Variants in NOVA2 observed in about 807,000 individuals in gnomAD.
NOVA2 encodes the protein RNA-binding protein Nova-2.
Under a neutral mutation model 22.5 loss-of-function variants are expected in NOVA2, and 9 were observed. The observed-to-expected ratio is 0.40, with a 90% CI of 0.24 to 0.70. The LOEUF (loss-of-function observed/expected upper bound fraction) is 0.70. NOVA2 is among the 30% of genes least tolerant of loss of function. NOVA2 has a pLI of 0.38. For synonymous variants in NOVA2, 318 were observed against 335.2 expected (o/e 0.95, Z 0.56); for missense variants, 383 against 682.8 (o/e 0.56, Z 4.89).
rs1202517879 is a variant in NOVA2 at position 45,956,577 on chromosome 19, C to T, written c.230-2631G>A. Among the ~76,000 whole-genome samples, 7 of 152,068 alleles carry T rather than the reference C, an allele frequency of 4.6e-5. No individual in the cohort carries two copies. The East Asian group carries it at 1.4e-3, about 29-fold the overall frequency. ...CCTCTGCCTCCCAGTTCAAGTGATT[C>T]TCATGCCTAAGCCTCCTGAGTAGCT... On this transcript the variant is annotated intron_variant, in intron 2 of 3. Transcript: ENST00000263257.
At chr19:45,958,215 T>C (rs1253525323) in intron 2 of NOVA2, among the ~76,000 whole-genome samples, 1 of 152,106 alleles carries the variant, frequency 6.6e-6, no homozygotes, top group East Asian at 1.9e-4. Flanking sequence ...TGCATTTCAG[T>C]TGCTCCATGT....
intron 3 of NOVA2, among the ~76,000 whole-genome samples, chr19:45,946,892 T>A (rs1166249705): frequency 8.1e-5 from 11 of 135,794 alleles, no homozygotes; most frequent in African/African-American, 1.9e-4. Flanking sequence ...AAAAAAAAAA[T>A]CACAACAAAA....
At chr19:45,944,737 A>T (rs977469444) in intron 3 of NOVA2, among the ~76,000 whole-genome samples, 1 of 152,332 alleles carries the variant, frequency 6.6e-6, no homozygotes, top group African/African-American at 2.4e-5. Context: ...GAATATGCAG[A>T]TCCACAGAGC....
intron 1 of NOVA2, among the ~76,000 whole-genome samples, chr19:45,964,249 G>A (rs1408401826): frequency 2.8e-5 from 4 of 142,010 alleles, no homozygotes; most frequent in Non-Finnish European, 6.0e-5. Context: ...GCGCGATCTC[G>A]GCTCACTGCA....
rs754177721 is a variant in NOVA2 at position 45,973,392 on chromosome 19, TGCG to T, written c.-44_-42del. ...CGGCGGCTGCTGCTGCTGCGGCGGC[TGCG>T]GCGGCGGCGGCGGCGGCTGCTGTGG... On this transcript the variant is annotated 5_prime_UTR_variant, in exon 1 of 4. Coordinates refer to ENST00000263257, the MANE Select transcript of NOVA2 (RefSeq NM_002516.4). The T allele has an allele frequency of 4.0e-3, 2,207 of 558,146 alleles. No individual in the cohort carries two copies. The highest frequency in any genetic ancestry group is 5.9e-3 in the Middle Eastern group (9 of 1,526). The allele number at this position is 558,146 out of a possible 1,614,324, so 34.6% of individuals were successfully genotyped here.
chr19:45,950,229 G>T (rs1347662811), intron 3 of NOVA2, among the ~76,000 whole-genome samples: 2 of 150,126 alleles, frequency 1.3e-5, no homozygotes, highest in South Asian at 2.1e-4. Context: ...CGCGATCTCG[G>T]CTCACTGCAG....
At chr19:45,968,729 G>T (rs1968197457) in intron 1 of NOVA2, among the ~76,000 whole-genome samples, 1 of 152,012 alleles carries the variant, frequency 6.6e-6, no homozygotes, top group South Asian at 2.1e-4. Context: ...CCATGTTTCA[G>T]ACAAGCAGGC....
chr19:45,962,103 G>A (rs1463717532), intron 1 of NOVA2, among the ~76,000 whole-genome samples: 3 of 152,196 alleles, frequency 2.0e-5, no homozygotes, highest in African/African-American at 7.2e-5. Context: ...GGATTCCTCT[G>A]ATGCCCATGA....
At chr19:45,952,360 G>A (rs1017270178) in intron 3 of NOVA2, among the ~76,000 whole-genome samples, 1 of 152,190 alleles carries the variant, frequency 6.6e-6, no homozygotes, top group African/African-American at 2.4e-5. Context: ...CACATAGGAC[G>A]TAAGTACTGT....
intron 3 of NOVA2, among the ~76,000 whole-genome samples, chr19:45,952,236 C>T (rs1426589177): frequency 6.6e-6 from 1 of 152,188 alleles, no homozygotes; most frequent in Non-Finnish European, 1.5e-5. Context: ...AAGCTATGTG[C>T]TTTTCAAACA....
At chr19:45,970,445 G>A (rs887112985) in intron 1 of NOVA2, among the ~76,000 whole-genome samples, 2 of 150,754 alleles carry the variant, frequency 1.3e-5, no homozygotes, top group African/African-American at 4.9e-5. Flanking sequence ...GTGCGATCTC[G>A]GCTCACTAAA....
In NOVA2 at chr19:45,961,013, G is replaced by T; in HGVS notation, c.226C>A (p.Pro76Thr). Residue 76 changes from proline (P) to threonine (T), a missense_variant, in exon 2 of 4, where the codon CCC becomes ACC. Physicochemically the swap from Pro to Thr is conservative, Grantham distance 38. This residue lies in a region of NOVA2 where 349 missense variants were observed against 578.1 expected (regional missense o/e 0.60). Transcript: ENST00000263257. Reference protein sequence around the residue: ...IKLSKSKDFYPGTTERVCLVQ... With the variant: ...IKLSKSKDFYTGTTERVCLVQ... ...AGAGACCTGGGCCGGGGCTCACCGGGGTAGAAGTCTTTGGACTTGGAGAGC... is the reference window on the plus strand; with the variant it reads ...AGAGACCTGGGCCGGGGCTCACCGGTGTAGAAGTCTTTGGACTTGGAGAGC... 6.4e-7 allele frequency: 1 copy of T among 1,573,076 alleles called. No homozygotes were observed. The highest frequency in any genetic ancestry group is 2.3e-5 in the East Asian group (1 of 42,810).
intron 3 of NOVA2, among the ~76,000 whole-genome samples, chr19:45,948,655 A>G (rs1967878532): frequency 6.6e-6 from 1 of 151,852 alleles, no homozygotes; most frequent in Admixed American, 6.6e-5. Flanking sequence ...GATTATTGTC[A>G]TTGTTATCCC....
intron 3 of NOVA2, among the ~76,000 whole-genome samples, chr19:45,946,904 TTGTG>T (rs1568663445): frequency 2.0e-5 from 3 of 151,036 alleles, no homozygotes; most frequent in Non-Finnish European, 4.4e-5. Flanking sequence ...ACAACAAAAA[TTGTG>T]TGTGCGCACG....
chr19:45,940,514 C>A lies in NOVA2; in HGVS notation c.828G>T (p.Leu276=). ...TGTTAAGCGCCGTGCTGATGGCCAG[C>A]AGGTCGGTGCCTGAGAAGGCGGGCA... ...AALPAFSGTD[L]LAISTALNTL... The change falls in exon 4 of 4, where the codon CTG becomes CTT. Residue 276 remains leucine (L), a synonymous_variant. Coordinates refer to ENST00000263257, the MANE Select transcript of NOVA2 (RefSeq NM_002516.4). 1 of 1,516,300 alleles carries A rather than the reference C, an allele frequency of 6.6e-7. No homozygotes were observed. Among genetic ancestry groups the A allele is most frequent in the Non-Finnish European group, 8.8e-7 (1 of 1,133,318 alleles). The allele number at this position is 1,516,300 out of a possible 1,614,324, so 93.9% of individuals were successfully genotyped here.
Position 45,934,864 on chromosome 19 carries a change from A to T in NOVA2, c.*4999T>A, listed in dbSNP as rs1351604516. On this transcript the variant is annotated 3_prime_UTR_variant, in exon 4 of 4. Transcript: ENST00000263257. ...TAGGGGTGAGGGATGGGGGTGGGGC[A>T]TGGGATGGGGTGCGGGTGGGGAGGC... is the stretch of plus-strand genomic sequence containing the variant. 1.4e-5 allele frequency: 1 copy of T among 69,762 alleles called. No individual in the cohort carries two copies. Among genetic ancestry groups the T allele is most frequent in the East Asian group, 3.6e-4 (1 of 2,798 alleles). 4.3% of individuals were successfully genotyped at this position (69,762 alleles called of 1,614,324 possible). A position where few individuals can be genotyped will look rare whatever the true frequency, so the allele number is the denominator to read the frequency against.
chr19:45,957,535 G>A (rs1166204139), intron 2 of NOVA2, among the ~76,000 whole-genome samples: 2 of 145,202 alleles, frequency 1.4e-5, no homozygotes, highest in Admixed American at 1.4e-4. Context: ...GCGAATCTCT[G>A]TCTAAAAAAA....
At position 45,939,843 on chromosome 19, in the gene NOVA2, G is replaced by A. The variant is rs1239020197; in HGVS notation, c.*20C>T. ...AGGAGATGGGAGGAGAGAAAAGGGT[G>A]GGAGCACACACCACAGGCCTCATCC... is the stretch of plus-strand genomic sequence containing the variant. On this transcript the variant is annotated 3_prime_UTR_variant, in exon 4 of 4. Coordinates refer to ENST00000263257, the MANE Select transcript of NOVA2 (RefSeq NM_002516.4). 6.2e-7 allele frequency: 1 copy of A among 1,613,578 alleles called. No homozygotes were observed.
rs118131101 is a variant in NOVA2, at chr19:45,950,992, A to G, written c.396+2788T>C. The stretch of plus-strand genomic sequence containing the variant: ...GGCCAGAGTTTATGCTCAGATTCCT[A>G]AGCCTTACCAGAAATATTGATTCAG... On this transcript the variant is annotated intron_variant, in intron 3 of 3. Coordinates refer to ENST00000263257, the MANE Select transcript of NOVA2 (RefSeq NM_002516.4). Among the ~76,000 whole-genome samples the G allele has an allele frequency of 9.0e-3, 1,365 of 152,282 alleles. 15 individuals are homozygous for G. Among genetic ancestry groups the G allele is most frequent in the Non-Finnish European group, 0.013 (875 of 68,022 alleles).
Sources: allele counts gnomAD v4.1 joint callset (sites outside exome capture counted in the v4.1 genomes callset), GRCh38; gene constraint gnomAD v4.1.1; regional missense constraint gnomAD v4.1.1; transcripts MANE v1.5; gene names NCBI Gene and HGNC (gene_info 2026-07-23, HGNC 2026-07-21).